The following MED13 variants were observed in gnomAD, a reference collection of about 807,000 sequenced individuals.
The protein encoded by MED13 is mediator complex subunit 13.
Under a neutral mutation model 225.2 loss-of-function variants are expected in MED13, and 23 were observed. The observed-to-expected ratio is 0.10, with a 90% CI of 0.07 to 0.14. The LOEUF is 0.14. Among genes scored for constraint, MED13 ranks in the 10% least tolerant of loss-of-function variants. The probability of loss-of-function intolerance (pLI) is 1.00; values close to 1 mark genes in which losing one functional copy is unlikely to be tolerated. For missense variants in MED13, 2,197 were observed against 2,594.5 expected (o/e 0.85, Z 3.33); for synonymous variants, 942 against 889.2 (o/e 1.06, Z -1.06).
intron 2 of MED13, among the ~76,000 whole-genome samples, chr17:62,059,954 G>C (rs1319717270): frequency 6.6e-6 from 1 of 152,044 alleles, no homozygotes; most frequent in African/African-American, 2.4e-5. Flanking sequence ...ACTCCTAATT[G>C]TATTTCAGTT....
At chr17:61,947,792 C>T (rs903852639) in intron 28 of MED13, among the ~76,000 whole-genome samples, 1 of 152,174 alleles carries the variant, frequency 6.6e-6, no homozygotes. Context: ...AACTACTCCA[C>T]ACTCCAATTA....
intron 11 of MED13, among the ~76,000 whole-genome samples, chr17:61,987,727 AATACAC>A (rs2080260415): frequency 1.3e-5 from 2 of 152,126 alleles, no homozygotes; most frequent in African/African-American, 2.4e-5. Context: ...AAAACAATTA[AATACAC>A]ATACACATAC....
chr17:61,947,110 G>A (rs2079857170), intron 28 of MED13, 93 bp from the exon 29 acceptor site: 1 of 821,458 alleles, frequency 1.2e-6, no homozygotes, highest in Non-Finnish European at 2.0e-6. Flanking sequence ...CTTATAAAAT[G>A]ATGAAATACA....
chr17:62,048,472 T>G (rs2080923599), intron 3 of MED13, among the ~76,000 whole-genome samples: 2 of 148,736 alleles, frequency 1.3e-5, no homozygotes, highest in African/African-American at 4.9e-5. Context: ...TATTAGAGCC[T>G]CTCCACTTTC....
chr17:62,010,315 T>C lies in MED13; in HGVS notation c.1967+235A>G, dbSNP rs115367489. On this transcript the variant is annotated intron_variant, in intron 9 of 29. Coordinates refer to ENST00000397786, the MANE Select transcript of MED13 (RefSeq NM_005121.3). ...TCTAACTGTATGTAAAATCCTTAAG[T>C]TGGCTGATGTACAAGTGTTTACACA... 358 of 361,440 alleles carry C rather than the reference T, an allele frequency of 9.9e-4. 2 individuals are homozygous for C. Among genetic ancestry groups the C allele is most frequent in the African/African-American group, 7.0e-3 (336 of 48,048 alleles). The allele number at this position is 361,440 out of a possible 1,614,324, so 22.4% of individuals were successfully genotyped here.
Position 61,953,088 on chromosome 17 carries a change from A to T in MED13, c.5994T>A (p.Phe1998Leu). ...GATCATCTCCTGTGTCTAACAAATC[A>T]AAGATACCCATTCCATCTGCTCCAT... is the stretch of plus-strand genomic sequence containing the variant. ...NNDGADGMGI[F>L]DLLDTGDDLD... The change falls in exon 27 of 30, where the codon TTT becomes TTA. Residue 1998 changes from phenylalanine (F) to leucine (L), a missense_variant. Physicochemically the swap from Phe to Leu is conservative, Grantham distance 22. This residue lies in a region of MED13 where 216 missense variants were observed against 388.9 expected (regional missense o/e 0.56). Coordinates refer to ENST00000397786, the MANE Select transcript of MED13 (RefSeq NM_005121.3). 1 of 1,613,868 alleles carries T rather than the reference A, an allele frequency of 6.2e-7. No individual in the cohort carries two copies. Among genetic ancestry groups the T allele is most frequent in the Non-Finnish European group, 8.5e-7 (1 of 1,179,880 alleles).
In MED13 at chr17:61,943,602, T is replaced by C. The variant is rs938574415; in HGVS notation, c.*2866A>G. The C allele has an allele frequency of 6.6e-6, 1 of 152,578 alleles. No individual in the cohort carries two copies. Among genetic ancestry groups the C allele is most frequent in the Admixed American group, 6.6e-5 (1 of 15,266 alleles). 9.5% of individuals were successfully genotyped at this position (152,578 alleles called of 1,614,324 possible). ...AGAAAAGTTTAGAAATATTTAAAAA[T>C]TACAGCTACTTTAAAATTTAAGGAT... On this transcript the variant is annotated 3_prime_UTR_variant, in exon 30 of 30. Transcript: ENST00000397786.
intron 8 of MED13, among the ~76,000 whole-genome samples, chr17:62,016,992 C>A (rs1198991331): frequency 6.6e-6 from 1 of 151,472 alleles, no homozygotes; most frequent in Non-Finnish European, 1.5e-5. Flanking sequence ...GCCTGGGTGA[C>A]AGAATGAGAC....
At position 61,984,635 on chromosome 17, in the gene MED13, G is replaced by A; in HGVS notation, c.2691+16C>T. On this transcript the variant is annotated intron_variant, in intron 14 of 29. Coordinates refer to ENST00000397786, the MANE Select transcript of MED13 (RefSeq NM_005121.3). ...ATATAGGAAGTGAATTATTTTTCTA[G>A]AAAAAACATACTTACTTTAATTTCA... 1.3e-6 allele frequency: 2 copies of A among 1,573,896 alleles called. No homozygotes were observed. The highest frequency in any genetic ancestry group is 1.7e-6 in the Non-Finnish European group (2 of 1,159,162).
intron 19 of MED13, 22 bp from the exon 20 acceptor site, chr17:61,965,490 G>A (rs773209244): frequency 1.8e-5 from 29 of 1,579,772 alleles, no homozygotes; most frequent in Middle Eastern, 1.7e-4. Context: ...AAACAGGTAC[G>A]AAATTTAATT....
intron 5 of MED13, among the ~76,000 whole-genome samples, chr17:62,033,515 G>T (rs536172724): frequency 6.2e-4 from 94 of 152,276 alleles, no homozygotes; most frequent in African/African-American, 2.2e-3. Flanking sequence ...CACTTACATG[G>T]TTAGGTTCAG....
At chr17:61,987,588 A>G (rs938350068) in intron 11 of MED13, among the ~76,000 whole-genome samples, 1 of 152,100 alleles carries the variant, frequency 6.6e-6, no homozygotes, top group African/African-American at 2.4e-5. Context: ...TTTTTATAGA[A>G]AAAAAAGTTA....
intron 3 of MED13, among the ~76,000 whole-genome samples, chr17:62,052,303 G>A (rs1437143947): frequency 1.3e-5 from 2 of 151,576 alleles, no homozygotes; most frequent in Non-Finnish European, 2.9e-5. Context: ...TCAAAATTTA[G>A]GCCACTGTAT....
intron 17 of MED13, among the ~76,000 whole-genome samples, chr17:61,970,599 T>C (rs1407006074): frequency 6.8e-6 from 1 of 146,352 alleles, no homozygotes; most frequent in Non-Finnish European, 1.5e-5. Context: ...TGAGAACTGC[T>C]TGAACCTGGG....
rs772717988 is a variant in MED13 at position 61,962,960 on chromosome 17, C to T, written c.4856G>A (p.Arg1619Gln). 22 of 1,613,730 alleles carry T rather than the reference C, an allele frequency of 1.4e-5. No homozygotes were observed. The highest frequency in any genetic ancestry group is 2.2e-5 in the East Asian group (1 of 44,874). The part of the protein sequence containing the change: ...HPDVSESTMD[R>Q]DKVGIPTDGD... ...ATCTGTGGGGATTCCCACTTTATCC[C>T]GATCCATCGTGCTAAAATTTAAGGT... Residue 1619 changes from arginine (R) to glutamine (Q), a missense_variant, in exon 21 of 30, where the codon CGG (arginine) becomes CAG (glutamine). Arg to Gln is a conservative substitution (Grantham distance 43). This residue lies in a region of MED13 where 457 missense variants were observed against 442.2 expected (regional missense o/e 1.03). Transcript: ENST00000397786.
At position 61,961,651 on chromosome 17, in the gene MED13, A is replaced by C; in HGVS notation, c.5193T>G (p.Asn1731Lys). The C allele has an allele frequency of 6.2e-7, 1 of 1,613,988 alleles. No homozygotes were observed. Among genetic ancestry groups the C allele is most frequent in the African/African-American group, 1.3e-5 (1 of 74,970 alleles). ...GACCAAAGCCAGTCAATGTTTTCAC[A>C]TTGGTTGATGTTGGAAGTGGCCTCC... is the stretch of plus-strand genomic sequence containing the variant. ...QCRRPLPTST[N>K]VKTLTGFGPG... is the part of the protein sequence containing the mutation. Residue 1731 changes from asparagine (N) to lysine (K), a missense_variant, in exon 22 of 30, where the codon AAT becomes AAG. Coordinates refer to ENST00000397786, the MANE Select transcript of MED13 (RefSeq NM_005121.3).
At chr17:61,965,489 C>G (rs373784016) in intron 19 of MED13, 21 bp from the exon 20 acceptor site, 32 of 1,582,406 alleles carry the variant, frequency 2.0e-5, no homozygotes, top group Middle Eastern at 1.7e-4. Flanking sequence ...AAAACAGGTA[C>G]GAAATTTAAT....
intron 16 of MED13, among the ~76,000 whole-genome samples, chr17:61,975,264 A>G (rs900681123): frequency 1.1e-4 from 16 of 152,238 alleles, no homozygotes; most frequent in Admixed American, 9.2e-4. Context: ...TCAACAATAC[A>G]TAAAAACCTA....
chr17:61,995,506 G>T, intron 9 of MED13, 141 bp from the exon 10 acceptor site: 1 of 584,598 alleles, frequency 1.7e-6, no homozygotes, highest in Non-Finnish European at 2.8e-6. Context: ...GAGGAGGCAT[G>T]AAAATATTAA....
Sources: allele counts gnomAD v4.1 joint callset (sites outside exome capture counted in the v4.1 genomes callset), GRCh38; gene constraint gnomAD v4.1.1; regional missense constraint gnomAD v4.1.1; transcripts MANE v1.5; gene names NCBI Gene and HGNC (gene_info 2026-07-23, HGNC 2026-07-21).